BNIP3: variants seen among roughly 807,000 people sequenced by gnomAD.
The protein encoded by BNIP3 is BCL2 interacting protein 3.
In BNIP3, 16 loss-of-function variants were observed where a neutral mutation model predicts 23.9. That is an observed-to-expected ratio of 0.67 (90% CI 0.45 to 1.01). The LOEUF (loss-of-function observed/expected upper bound fraction) is 1.01, where lower values mean the gene tolerates loss of function less well. Ranked by LOEUF, BNIP3 falls within the 50% of genes least tolerant of loss-of-function variation. BNIP3 has a pLI of 0.00. For missense variants in BNIP3, 198 were observed against 248.7 expected, an observed-to-expected ratio of 0.80 and a Z score of 1.37; for synonymous variants, 81 against 89.3, an observed-to-expected ratio of 0.91 and a Z score of 0.53.
chr10:131,977,382 C>T (rs2037087199), intron 1 of BNIP3, among the ~76,000 whole-genome samples: 1 of 152,222 alleles, frequency 6.6e-6, no homozygotes, highest in Admixed American at 6.5e-5. Context: ...ACACAAGGGG[C>T]AGGCTGAAGA....
Position 131,973,912 on chromosome 10 carries a change from A to G in BNIP3, c.78T>C (p.Asn26=). Residue 26 remains asparagine (N), a synonymous_variant, in exon 2 of 6, where the codon AAT becomes AAC. Coordinates refer to ENST00000368636, the MANE Select transcript of BNIP3 (RefSeq NM_004052.4). The stretch of plus-strand genomic sequence containing the variant: ...AGGCTGGAACGCTGCCCCCGTTCCC[A>G]TTATTGCTGAAGTGCAGTTCTACCC... ...GSWVELHFSN[N]GNGGSVPASV... 6.2e-7 allele frequency: 1 copy of G among 1,613,798 alleles called. No homozygotes were observed. Among genetic ancestry groups the G allele is most frequent in the African/African-American group, 1.3e-5 (1 of 75,002 alleles).
chr10:131,979,922 G>C (rs2037106124), intron 1 of BNIP3, among the ~76,000 whole-genome samples: 1 of 152,210 alleles, frequency 6.6e-6, no homozygotes, highest in African/African-American at 2.4e-5. Context: ...GCAGAGGTGA[G>C]CGCTGCCTGA....
rs964891517 is a variant in BNIP3, at chr10:131,973,387, G to A, written c.198-269C>T. On this transcript the variant is annotated intron_variant, in intron 2 of 5. Coordinates refer to ENST00000368636, the MANE Select transcript of BNIP3 (RefSeq NM_004052.4). ...TGGCTTTGTCACCTGCCGCCTTCAC[G>A]GTCTGGGTCTGTTGCACAGCTCTCA... is the stretch of plus-strand genomic sequence containing the variant. The A allele has an allele frequency of 2.6e-4, 131 of 498,540 alleles. 1 individual carries two copies. The highest frequency in any genetic ancestry group is 1.8e-3 in the Admixed American group (53 of 29,494). The allele number at this position is 498,540 out of a possible 1,614,324, so 30.9% of individuals were successfully genotyped here. A position where few individuals can be genotyped will look rare whatever the true frequency, so the allele number is the denominator to read the frequency against.
Position 131,972,886 on chromosome 10 carries a change from T to A in BNIP3, c.282+148A>T, listed in dbSNP as rs2037047555. 3 of 742,786 alleles carry A rather than the reference T, an allele frequency of 4.0e-6. No homozygotes were observed. In the Admixed American group the frequency reaches 9.1e-5, roughly 23 times the overall value. 46.0% of individuals were successfully genotyped at this position (742,786 alleles called of 1,614,324 possible). On this transcript the variant is annotated intron_variant, in intron 3 of 5. Coordinates refer to ENST00000368636, the MANE Select transcript of BNIP3 (RefSeq NM_004052.4). ...TGTTCCCACCCACAGTTTCTTGGTT[T>A]TTTTGTTTCGCTTTTTTGTTTTTTT...
intron 3 of BNIP3, 122 bp downstream of exon 3, chr10:131,972,912 T>G (rs943524591): frequency 2.9e-5 from 28 of 954,694 alleles, no homozygotes; most frequent in Non-Finnish European, 3.9e-5. Flanking sequence ...TTGTTTTTTT[T>G]AAAGCAGGAA....
rs2133698067 is a variant in BNIP3 at position 131,981,890 on chromosome 10, T to C, written c.-84A>G. On this transcript the variant is annotated 5_prime_UTR_variant, in exon 1 of 6. Coordinates refer to ENST00000368636, the MANE Select transcript of BNIP3 (RefSeq NM_004052.4). The stretch of plus-strand genomic sequence containing the variant: ...GCTGCGGGCGGTGGGAAAGCGGAGG[T>C]CGGAGCGCCGCGGCCCAGCTGCGCT... 3.7e-6 allele frequency: 5 copies of C among 1,355,496 alleles called. No individual in the cohort carries two copies. The highest frequency in any genetic ancestry group is 4.7e-6 in the Non-Finnish European group (5 of 1,056,610). 84.0% of individuals were successfully genotyped at this position (1,355,496 alleles called of 1,614,324 possible). A position where few individuals can be genotyped will look rare whatever the true frequency, so the allele number is the denominator to read the frequency against.
chr10:131,975,705 C>T (rs2133694309), intron 1 of BNIP3, among the ~76,000 whole-genome samples: 1 of 152,310 alleles, frequency 6.6e-6, no homozygotes, highest in East Asian at 1.9e-4. Context: ...AAAAAGCAAA[C>T]CGAAGGCCCA....
At position 131,970,820 on chromosome 10, in the gene BNIP3, T is replaced by TC; in HGVS notation, c.390-34dup. On this transcript the variant is annotated intron_variant, in intron 4 of 5. Transcript: ENST00000368636. This position sits in a 1 kb window ranked among gnomAD's most constrained non-coding sequence, Gnocchi z 4.1. ...GGGAAGAAACGTGTCAGCTGATGTG[T>TC]CCTCTGTCAAGGGGTGCCCCCGTGA... is the stretch of plus-strand genomic sequence containing the variant. 6.2e-7 allele frequency: 1 copy of TC among 1,614,222 alleles called. No individual in the cohort carries two copies. The highest frequency in any genetic ancestry group is 8.5e-7 in the Non-Finnish European group (1 of 1,180,050).
intron 3 of BNIP3, among the ~76,000 whole-genome samples, chr10:131,972,298 T>C (rs1467729666): frequency 1.3e-5 from 2 of 152,122 alleles, no homozygotes; most frequent in African/African-American, 4.8e-5. Flanking sequence ...CTCACACCTA[T>C]AGTCCCAGTA....
rs943791823 is a variant in BNIP3, at chr10:131,981,871, G to C, written c.-65C>G. The C allele has an allele frequency of 1.4e-6, 2 of 1,384,190 alleles. No individual in the cohort carries two copies. The highest frequency in any genetic ancestry group is 3.7e-5 in the Admixed American group (1 of 27,308). The allele number at this position is 1,384,190 out of a possible 1,614,324, so 85.7% of individuals were successfully genotyped here. Reference sequence around the variant, plus strand: ...GGCTGCGGGATGTGCTTCAGCTGCGGGCGGTGGGAAAGCGGAGGTCGGAGC... The same window carrying C: ...GGCTGCGGGATGTGCTTCAGCTGCGCGCGGTGGGAAAGCGGAGGTCGGAGC... On this transcript the variant is annotated 5_prime_UTR_variant, in exon 1 of 6. Transcript: ENST00000368636.
In BNIP3 at chr10:131,970,665, A is replaced by G; in HGVS notation, c.512T>C (p.Leu171Pro). 6.2e-7 allele frequency: 1 copy of G among 1,614,196 alleles called. No homozygotes were observed. The highest frequency in any genetic ancestry group is 8.5e-7 in the Non-Finnish European group (1 of 1,180,024). ...CAATCCGATGGCCAGCAAATGAGAG[A>G]GCAGCAGAGATGGAAGGAAAACTTT... ...FLKVFLPSLL[L>P]SHLLAIGLGI... The change falls in exon 5 of 6, where the codon CTC becomes CCC. Residue 171 changes from leucine (L) to proline (P), a missense_variant. Physicochemically the swap from Leu to Pro is moderately conservative, Grantham distance 98. Transcript: ENST00000368636. The surrounding 1 kb of genome is among the most constrained non-coding windows in gnomAD (Gnocchi z 4.1).
rs1429514767 is a variant in BNIP3 at position 131,970,867 on chromosome 10, G to C, written c.386C>G (p.Pro129Arg). ...GTGACACTGAGAACACACTCACTTG[G>C]GGGGAATATTTTCCGGCCGACTTGA... ...DWSSRPENIP[P>R]KEFLFKHPKR... The change falls in exon 4 of 6, where the codon CCC (proline) becomes CGC (arginine). Residue 129 changes from proline to arginine, a missense_variant. Pro to Arg is a moderately radical substitution (Grantham distance 103). Coordinates refer to ENST00000368636, the MANE Select transcript of BNIP3 (RefSeq NM_004052.4). This position sits in a 1 kb window ranked among gnomAD's most constrained non-coding sequence, Gnocchi z 4.1. The C allele has an allele frequency of 6.2e-7, 1 of 1,614,176 alleles. No individual in the cohort carries two copies. Among genetic ancestry groups the C allele is most frequent in the South Asian group, 1.1e-5 (1 of 91,082 alleles).
At chr10:131,971,266 G>A (rs141865017) in intron 3 of BNIP3, 9 of 418,608 alleles carry the variant, frequency 2.1e-5, no homozygotes, top group African/African-American at 1.0e-4. Context: ...TACTGACAGC[G>A]GCAAACACTG....
At position 131,968,221 on chromosome 10, in the gene BNIP3, G is replaced by A; in HGVS notation, c.*303C>T. 4.7e-6 allele frequency: 1 copy of A among 214,918 alleles called. No individual in the cohort carries two copies. The highest frequency in any genetic ancestry group is 9.4e-6 in the Non-Finnish European group (1 of 106,394). 13.3% of individuals were successfully genotyped at this position (214,918 alleles called of 1,614,324 possible). A position where few individuals can be genotyped will look rare whatever the true frequency, so the allele number is the denominator to read the frequency against. The stretch of plus-strand genomic sequence containing the variant: ...ATTTTTAAAATACAACACACATCAT[G>A]ACTAGTATATTAAAATTATTTATAT... On this transcript the variant is annotated 3_prime_UTR_variant, in exon 6 of 6. Coordinates refer to ENST00000368636, the MANE Select transcript of BNIP3 (RefSeq NM_004052.4).
At chr10:131,978,948 C>A (rs909465815) in intron 1 of BNIP3, among the ~76,000 whole-genome samples, 1 of 152,152 alleles carries the variant, frequency 6.6e-6, no homozygotes, top group African/African-American at 2.4e-5. Context: ...AAAAGAGACC[C>A]GCCTGACAAA....
intron 1 of BNIP3, among the ~76,000 whole-genome samples, chr10:131,977,684 C>A (rs2037090536): frequency 6.6e-6 from 1 of 152,146 alleles, no homozygotes; most frequent in African/African-American, 2.4e-5. Context: ...AAAGGCCCAC[C>A]TTTTACTACC....
Position 131,981,769 on chromosome 10 carries a change from C to T in BNIP3, c.38G>A (p.Ser13Asn). 2.7e-6 allele frequency: 4 copies of T among 1,478,104 alleles called. No homozygotes were observed. Among genetic ancestry groups the T allele is most frequent in the Non-Finnish European group, 2.7e-6 (3 of 1,119,736 alleles). 91.6% of individuals were successfully genotyped at this position (1,478,104 alleles called of 1,614,324 possible). A position where few individuals can be genotyped will look rare whatever the true frequency, so the allele number is the denominator to read the frequency against. The change falls in exon 1 of 6, where the codon AGC becomes AAC. Residue 13 changes from serine (S) to asparagine (N), a missense_variant. Ser to Asn is a conservative substitution (Grantham distance 46, BLOSUM62 1). Coordinates refer to ENST00000368636, the MANE Select transcript of BNIP3 (RefSeq NM_004052.4). ...QNGAPGMQEE[S>N]LQGSWVELHF... ...CGCCTCCTCCGCCTCACCCTGCAGGCTCTCCTCCTGCATCCCGGGCGCTCC... is the reference window on the plus strand; with the variant it reads ...CGCCTCCTCCGCCTCACCCTGCAGGTTCTCCTCCTGCATCCCGGGCGCTCC...
intron 3 of BNIP3, among the ~76,000 whole-genome samples, chr10:131,972,742 C>G (rs2037045882): frequency 6.6e-6 from 1 of 152,322 alleles, no homozygotes; most frequent in Middle Eastern, 3.4e-3. Flanking sequence ...CACCAGGGAG[C>G]CCTTCCTCCT....
chr10:131,975,661 C>T (rs1413200730), intron 1 of BNIP3, among the ~76,000 whole-genome samples: 1 of 152,158 alleles, frequency 6.6e-6, no homozygotes, highest in Non-Finnish European at 1.5e-5. Context: ...CTCCATACGC[C>T]ACTTGTTGCA....
Sources: allele counts gnomAD v4.1 joint callset (sites outside exome capture counted in the v4.1 genomes callset), GRCh38; gene constraint gnomAD v4.1.1; non-coding constraint Gnocchi (gnomAD v3.1); transcripts MANE v1.5; gene names NCBI Gene and HGNC (gene_info 2026-07-23, HGNC 2026-07-21).